The following PTPRG variants were observed in gnomAD, a reference collection of about 807,000 sequenced individuals.
The protein encoded by PTPRG is receptor-type tyrosine-protein phosphatase gamma.
In PTPRG, 102 loss-of-function variants were observed where a neutral mutation model predicts 165.3. The ratio of observed to expected loss-of-function variants is 0.62; its 90% CI spans 0.53 to 0.73. PTPRG has a LOEUF of 0.73. Ranked by LOEUF, PTPRG falls within the 30% of genes least tolerant of loss-of-function variation. The probability of loss-of-function intolerance (pLI) is 0.00; values close to 1 mark genes in which losing one functional copy is unlikely to be tolerated. For missense variants in PTPRG, 1,866 were observed against 1,861.4 expected (o/e 1.00, Z -0.05); for synonymous variants, 675 against 669.5 (o/e 1.01, Z -0.13).
At chr3:61,699,130 C>T (rs189808824) in intron 1 of PTPRG, among the ~76,000 whole-genome samples, 8 of 152,122 alleles carry the variant, frequency 5.3e-5, no homozygotes, top group African/African-American at 1.9e-4. Context: ...TGTAACAAAC[C>T]TGCATGTTGT....
At chr3:61,791,001 T>C (rs2034852865) in intron 2 of PTPRG, among the ~76,000 whole-genome samples, 1 of 152,196 alleles carries the variant, frequency 6.6e-6, no homozygotes, top group Non-Finnish European at 1.5e-5. Flanking sequence ...TCCTTTTTCC[T>C]TTTACTGTGG....
intron 1 of PTPRG, among the ~76,000 whole-genome samples, chr3:61,670,985 G>T (rs1027564504): frequency 6.6e-6 from 1 of 151,922 alleles, no homozygotes; most frequent in Non-Finnish European, 1.5e-5. Flanking sequence ...AGTTGGATTC[G>T]TTGAAAATAT....
chr3:61,850,163 T>C (rs1237632764), intron 2 of PTPRG, among the ~76,000 whole-genome samples: 1 of 152,092 alleles, frequency 6.6e-6, no homozygotes, highest in South Asian at 2.1e-4. Flanking sequence ...TATTTATTTA[T>C]TTTTATTTTT....
At chr3:61,854,215 A>G (rs750538882) in intron 2 of PTPRG, among the ~76,000 whole-genome samples, 17 of 152,188 alleles carry the variant, frequency 1.1e-4, no homozygotes, top group Non-Finnish European at 2.4e-4. Flanking sequence ...ACGTGAGACA[A>G]TAACCTCCTT....
At chr3:61,831,538 T>G (rs1287519726) in intron 2 of PTPRG, among the ~76,000 whole-genome samples, 4 of 152,220 alleles carry the variant, frequency 2.6e-5, no homozygotes, top group African/African-American at 9.6e-5. Flanking sequence ...CAGCTTAAAG[T>G]TAAAGCAGAC....
intron 2 of PTPRG, among the ~76,000 whole-genome samples, chr3:61,987,434 A>G (rs2040788254): frequency 6.6e-6 from 1 of 152,216 alleles, no homozygotes; most frequent in African/African-American, 2.4e-5. Flanking sequence ...AATGGCAAGT[A>G]CTTTTCTGAC....
intron 2 of PTPRG, among the ~76,000 whole-genome samples, chr3:61,854,608 TG>T (rs1367225987): frequency 2.0e-5 from 3 of 152,202 alleles, no homozygotes; most frequent in Non-Finnish European, 4.4e-5. Flanking sequence ...GTAATATACA[TG>T]CAGCATTGTC....
At chr3:61,697,453 T>C (rs1411144384) in intron 1 of PTPRG, among the ~76,000 whole-genome samples, 3 of 152,216 alleles carry the variant, frequency 2.0e-5, no homozygotes. Flanking sequence ...GCAATGGTCT[T>C]AGAAGTCTCA....
At chr3:61,612,999 C>T (rs991425686) in intron 1 of PTPRG, among the ~76,000 whole-genome samples, 1 of 152,120 alleles carries the variant, frequency 6.6e-6, no homozygotes, top group Non-Finnish European at 1.5e-5. Context: ...CTGTGCTCAC[C>T]TTCGACGAGA....
chr3:62,121,050 T>C (rs1576027464), intron 5 of PTPRG, among the ~76,000 whole-genome samples: 1 of 151,528 alleles, frequency 6.6e-6, no homozygotes, highest in African/African-American at 2.4e-5. Context: ...GTTCATGCCA[T>C]TCTCCTGCCT....
At chr3:61,721,738 T>G (rs1356457601) in intron 1 of PTPRG, among the ~76,000 whole-genome samples, 1 of 152,144 alleles carries the variant, frequency 6.6e-6, no homozygotes, top group Non-Finnish European at 1.5e-5. Flanking sequence ...AAAATCCATG[T>G]GTCACCTGGG....
chr3:62,000,506 A>G (rs778322829), intron 3 of PTPRG, among the ~76,000 whole-genome samples: 103 of 152,324 alleles, frequency 6.8e-4, no homozygotes, highest in Non-Finnish European at 1.3e-3. Context: ...GACCAGAGTC[A>G]CATCCTTTTT....
chr3:61,642,186 C>T (rs951731433), intron 1 of PTPRG, among the ~76,000 whole-genome samples: 3 of 152,144 alleles, frequency 2.0e-5, no homozygotes, highest in Admixed American at 6.5e-5. Context: ...CACAGAGCTG[C>T]CCACTAGCCA....
At chr3:61,730,017 A>C (rs2032428146) in intron 1 of PTPRG, among the ~76,000 whole-genome samples, 1 of 152,242 alleles carries the variant, frequency 6.6e-6, no homozygotes, top group African/African-American at 2.4e-5. Flanking sequence ...TGCTCCATGA[A>C]AATGATAGTG....
intron 2 of PTPRG, among the ~76,000 whole-genome samples, chr3:61,885,339 C>G (rs1260082571): frequency 2.0e-5 from 3 of 151,886 alleles, no homozygotes; most frequent in Non-Finnish European, 4.4e-5. Flanking sequence ...GGAAAATATG[C>G]TGAAGATTAC....
chr3:61,564,101 G>A (rs1301517355), intron 1 of PTPRG, among the ~76,000 whole-genome samples: 1 of 152,224 alleles, frequency 6.6e-6, no homozygotes, highest in African/African-American at 2.4e-5. Flanking sequence ...CTCTACGGTA[G>A]TGTAGGCCAT....
At chr3:61,583,003 C>T (rs1177629088) in intron 1 of PTPRG, among the ~76,000 whole-genome samples, 1 of 152,166 alleles carries the variant, frequency 6.6e-6, no homozygotes, top group East Asian at 1.9e-4. Flanking sequence ...ATTTTATGTA[C>T]ACAATGAAGT....
At chr3:61,677,849 C>T (rs1212595697) in intron 1 of PTPRG, among the ~76,000 whole-genome samples, 2 of 152,006 alleles carry the variant, frequency 1.3e-5, no homozygotes, top group Admixed American at 6.6e-5. Context: ...TATAAAGAGT[C>T]CTTAGGAGTG....
chr3:62,260,372 G>A (rs1701659076), intron 16 of PTPRG, among the ~76,000 whole-genome samples: 1 of 152,112 alleles, frequency 6.6e-6, no homozygotes, highest in East Asian at 1.9e-4. Flanking sequence ...AGGTCTTTAA[G>A]TGCTCTTTAA....
Sources: gnomAD v4.1 joint callset for allele counts (sites outside exome capture counted in the v4.1 genomes callset) on GRCh38, gnomAD v4.1.1 for gene constraint, MANE v1.5 for transcripts, NCBI Gene and HGNC (gene_info 2026-07-23, HGNC 2026-07-21) for gene names.